The following KIF5C variants were observed in gnomAD, a reference collection of about 807,000 sequenced individuals.
KIF5C encodes kinesin family member 5C.
A neutral mutation model predicts 125.2 loss-of-function variants in KIF5C; 18 were observed. That is an observed-to-expected ratio of 0.14 (90% CI 0.10 to 0.21). The LOEUF (loss-of-function observed/expected upper bound fraction) is 0.21, where lower values mean the gene tolerates loss of function less well. Ranked by LOEUF, KIF5C falls within the 10% of genes least tolerant of loss-of-function variation. The pLI is 1.00. For missense variants in KIF5C, 780 were observed against 1,183.8 expected (o/e 0.66, Z 5.01); for synonymous variants, 405 against 434.0 (o/e 0.93, Z 0.83).
intron 15 of KIF5C, among the ~76,000 whole-genome samples, chr2:148,989,337 T>TACAC (rs59582798): frequency 0.1 from 14,892 of 147,808 alleles, 859 homozygotes; most frequent in Non-Finnish European, 0.13. Flanking sequence ...TCCATGATTT[T>TACAC]ACACACACAC....
chr2:148,884,954 A>G (rs1301118971), intron 1 of KIF5C, among the ~76,000 whole-genome samples: 2 of 147,220 alleles, frequency 1.4e-5, no homozygotes, highest in African/African-American at 5.0e-5. Flanking sequence ...CCCCCTCACA[A>G]TGGCCATGTC....
At chr2:148,900,087 T>C (rs2105055383) in intron 1 of KIF5C, among the ~76,000 whole-genome samples, 1 of 152,212 alleles carries the variant, frequency 6.6e-6, no homozygotes, top group East Asian at 1.9e-4. Context: ...GTACCTTGTT[T>C]GATTGCTCTT....
At chr2:148,934,873 C>T (rs1221096450) in intron 3 of KIF5C, among the ~76,000 whole-genome samples, 1 of 151,734 alleles carries the variant, frequency 6.6e-6, no homozygotes, top group African/African-American at 2.4e-5. Flanking sequence ...ATCACACATC[C>T]ATATGCTCCC....
chr2:149,003,007 C>T (rs567791363), intron 21 of KIF5C, among the ~76,000 whole-genome samples: 36 of 152,194 alleles, frequency 2.4e-4, no homozygotes, highest in Non-Finnish European at 4.6e-4. Flanking sequence ...GGCTGCTCCC[C>T]GCTCTCACCC....
intron 11 of KIF5C, among the ~76,000 whole-genome samples, chr2:148,963,094 A>T (rs1682968137): frequency 6.6e-6 from 1 of 151,942 alleles, no homozygotes; most frequent in African/African-American, 2.4e-5. Flanking sequence ...GGGTTTCCAG[A>T]TCTAAGTGCA....
chr2:148,971,296 C>CTATA (rs1680897306), intron 11 of KIF5C, among the ~76,000 whole-genome samples: 3 of 127,554 alleles, frequency 2.4e-5, no homozygotes, highest in Non-Finnish European at 3.6e-5. Flanking sequence ...GTCTGTCTAT[C>CTATA]TATCTATCTA....
At chr2:148,945,891 A>G (rs1682509511) in intron 7 of KIF5C, among the ~76,000 whole-genome samples, 1 of 152,200 alleles carries the variant, frequency 6.6e-6, no homozygotes, top group Admixed American at 6.5e-5. Context: ...GATTGCCATG[A>G]ATCTGTAGAT....
At chr2:148,990,423 C>T (rs947292194) in intron 15 of KIF5C, among the ~76,000 whole-genome samples, 5 of 152,212 alleles carry the variant, frequency 3.3e-5, no homozygotes, top group African/African-American at 1.2e-4. Flanking sequence ...GAGAAACCTT[C>T]ATCAAGAAGC....
intron 1 of KIF5C, among the ~76,000 whole-genome samples, chr2:148,904,160 G>A (rs530502407): frequency 1.6e-4 from 24 of 152,340 alleles, no homozygotes; most frequent in African/African-American, 5.8e-4. Context: ...TTAATTACAT[G>A]TTGAATGGTT....
At chr2:148,931,704 A>T (rs548348576) in intron 3 of KIF5C, among the ~76,000 whole-genome samples, 1 of 152,226 alleles carries the variant, frequency 6.6e-6, no homozygotes, top group East Asian at 1.9e-4. Context: ...AAAAACCAAA[A>T]CCAAAAACAA....
chr2:148,916,581 A>G (rs1263423165), intron 1 of KIF5C, among the ~76,000 whole-genome samples: 2 of 152,072 alleles, frequency 1.3e-5, no homozygotes, highest in Admixed American at 1.3e-4. Context: ...CATTTAGGGG[A>G]TAACTGCTTG....
chr2:149,007,554 T>C (rs1348877544), intron 22 of KIF5C, among the ~76,000 whole-genome samples: 1 of 152,240 alleles, frequency 6.6e-6, no homozygotes, highest in Non-Finnish European at 1.5e-5. Flanking sequence ...TGGTGACTTG[T>C]TGTCCCACCA....
At chr2:148,994,781 C>A (rs1007040299) in intron 17 of KIF5C, among the ~76,000 whole-genome samples, 1 of 151,856 alleles carries the variant, frequency 6.6e-6, no homozygotes, top group African/African-American at 2.4e-5. Flanking sequence ...CAGTTCACTG[C>A]AACCTCCGCT....
At chr2:148,926,435 T>C (rs905200063) in intron 2 of KIF5C, among the ~76,000 whole-genome samples, 3 of 152,186 alleles carry the variant, frequency 2.0e-5, no homozygotes, top group Non-Finnish European at 4.4e-5. Flanking sequence ...GGAAACATTG[T>C]TTCTGCAGAG....
chr2:148,981,582 G>C lies in KIF5C; in HGVS notation c.1569+21G>C, dbSNP rs374588859. 1.4e-4 allele frequency: 215 copies of C among 1,566,772 alleles called. No homozygotes were observed. In the African/African-American group the frequency reaches 2.7e-3, roughly 19 times the overall value. ...AAACGGTTGGAGCATTTGTGTCTAGGGGGTGGGACTTCCTTGGCTGCCGTT... is the reference window on the plus strand; with the variant it reads ...AAACGGTTGGAGCATTTGTGTCTAGCGGGTGGGACTTCCTTGGCTGCCGTT... On this transcript the variant is annotated intron_variant, in intron 14 of 25. Coordinates refer to ENST00000435030, the MANE Select transcript of KIF5C (RefSeq NM_004522.3).
At chr2:148,916,253 C>T (rs1023321702) in intron 1 of KIF5C, among the ~76,000 whole-genome samples, 1 of 152,232 alleles carries the variant, frequency 6.6e-6, no homozygotes, top group African/African-American at 2.4e-5. Context: ...AAAGCTGTAA[C>T]AGTAAAGCTG....
At chr2:148,890,076 A>G (rs1048716662) in intron 1 of KIF5C, among the ~76,000 whole-genome samples, 6 of 152,194 alleles carry the variant, frequency 3.9e-5, no homozygotes, top group African/African-American at 1.2e-4. Context: ...TGGTGCCTTA[A>G]CTATCATGTT....
chr2:148,973,347 C>T lies in KIF5C; in HGVS notation c.1129C>T (p.Pro377Ser), dbSNP rs771006704. ...GCTATGTTTTGCAGGAGAAGCTGTG[C>T]CTGAGGATGAACAGATCAGTGCCAA... ...LNRWRNGEAVPEDEQISAKDQ... is the reference protein window; with the variant it reads ...LNRWRNGEAVSEDEQISAKDQ... The change falls in exon 12 of 26, where the codon CCT becomes TCT. Residue 377 changes from proline (P) to serine (S), a missense_variant. Transcript: ENST00000435030. 3 of 1,610,988 alleles carry T rather than the reference C, an allele frequency of 1.9e-6. No individual in the cohort carries two copies. The South Asian group carries it at 3.3e-5, about 18-fold the overall frequency.
intron 9 of KIF5C, 75 bp from the exon 10 acceptor site, chr2:148,950,239 A>G (rs2105113623): frequency 2.6e-6 from 4 of 1,557,770 alleles, no homozygotes; most frequent in Non-Finnish European, 3.5e-6. Flanking sequence ...CAGTGTCTTC[A>G]TCCCTGACTT....
Sources: gnomAD v4.1 joint callset for allele counts (sites outside exome capture counted in the v4.1 genomes callset) on GRCh38, gnomAD v4.1.1 for gene constraint, MANE v1.5 for transcripts, NCBI Gene and HGNC (gene_info 2026-07-23, HGNC 2026-07-21) for gene names.